The following PDXK variants were observed in gnomAD, a reference collection of about 807,000 sequenced individuals.
The protein encoded by PDXK is epididymis secretory sperm binding protein Li 1a.
Under a neutral mutation model 43.2 loss-of-function variants are expected in PDXK, and 15 were observed. The observed-to-expected ratio is 0.35, with a 90% CI of 0.23 to 0.53. The LOEUF (loss-of-function observed/expected upper bound fraction) is 0.53, where lower values mean the gene tolerates loss of function less well. Ranked by LOEUF, PDXK falls within the 20% of genes least tolerant of loss-of-function variation. PDXK has a pLI of 0.92. For missense variants in PDXK, 343 were observed against 417.0 expected, an observed-to-expected ratio of 0.82 and a Z score of 1.54; for synonymous variants, 172 against 165.4, an observed-to-expected ratio of 1.04 and a Z score of -0.31.
chr21:43,740,936 G>A (rs2147259797), intron 2 of PDXK: 1 of 146,784 alleles, frequency 6.8e-6, no homozygotes, highest in East Asian at 2.0e-4. Context: ...AATAGCTGGG[G>A]ACTAATGCAG....
At chr21:43,750,807 T>G (rs2147303348) in intron 7 of PDXK, among the ~76,000 whole-genome samples, 1 of 150,810 alleles carries the variant, frequency 6.6e-6, no homozygotes, top group Non-Finnish European at 1.5e-5. Context: ...TGTGTGCGTG[T>G]GTGCGCGCAC....
intron 1 of PDXK, among the ~76,000 whole-genome samples, chr21:43,730,027 G>A (rs912130106): frequency 1.3e-5 from 2 of 152,150 alleles, no homozygotes; most frequent in Non-Finnish European, 2.9e-5. Flanking sequence ...TCCCGAGAAG[G>A]GGGATGAGGT....
chr21:43,732,079 T>A lies in PDXK; in HGVS notation c.88-1990T>A. The A allele has an allele frequency of 9.3e-7, 1 of 1,070,786 alleles. No homozygotes were observed. The highest frequency in any genetic ancestry group is 1.2e-6 in the Non-Finnish European group (1 of 846,946). 66.3% of individuals were successfully genotyped at this position (1,070,786 alleles called of 1,614,324 possible). A position where few individuals can be genotyped will look rare whatever the true frequency, so the allele number is the denominator to read the frequency against. ...GGGACGGTCACTACCGCTGCCCCTGTGGGGAGAAGAGCCCCGGGGGAAGAA... is the reference window on the plus strand; with the variant it reads ...GGGACGGTCACTACCGCTGCCCCTGAGGGGAGAAGAGCCCCGGGGGAAGAA... On this transcript the variant is annotated intron_variant, in intron 1 of 10. Transcript: ENST00000291565. The surrounding 1 kb of genome is among the most constrained non-coding windows in gnomAD (Gnocchi z 4.1).
intron 1 of PDXK, among the ~76,000 whole-genome samples, 174 bp from the exon 2 acceptor site, chr21:43,733,895 G>T (rs183137366): frequency 6.6e-6 from 1 of 152,240 alleles, no homozygotes; most frequent in East Asian, 1.9e-4. Context: ...CACATGTCAT[G>T]TGTGACTCGG....
chr21:43,753,596 C>T lies in PDXK; in HGVS notation c.636C>T (p.Gly212=), dbSNP rs145100052. 7.1e-5 allele frequency: 114 copies of T among 1,612,576 alleles called. No individual in the cohort carries two copies. The African/African-American group carries it at 1.4e-3, about 20-fold the overall frequency. The change falls in exon 9 of 11, where the codon GGC becomes GGT. Residue 212 remains glycine, a synonymous_variant. Coordinates refer to ENST00000291565, the MANE Select transcript of PDXK (RefSeq NM_003681.5). The stretch of plus-strand genomic sequence containing the variant: ...TTCTCCCCCTAGGGAATCCCGCTGG[C>T]TCCGTGGTGATGGAACGCATCCGGA... ...LGSQRRRNPA[G]SVVMERIRMD...
chr21:43,736,274 G>A (rs2083400030), intron 2 of PDXK, among the ~76,000 whole-genome samples: 1 of 152,178 alleles, frequency 6.6e-6, no homozygotes, highest in Admixed American at 6.5e-5. Flanking sequence ...CATTGTAGGG[G>A]CTGTTCTGCT....
At chr21:43,720,203 G>A (rs1301015809) in intron 1 of PDXK, among the ~76,000 whole-genome samples, 1 of 152,200 alleles carries the variant, frequency 6.6e-6, no homozygotes, top group Non-Finnish European at 1.5e-5. Context: ...AGGACGACGG[G>A]CACTTCCTGG....
chr21:43,733,253 ACCCCCCCCC>A (rs1226314950), intron 1 of PDXK, among the ~76,000 whole-genome samples: 1 of 56,166 alleles, frequency 1.8e-5, no homozygotes, highest in Non-Finnish European at 3.4e-5. Context: ...CCCCATCCCC[ACCCCCCCCC>A]CCGCCCCCCC....
In PDXK at chr21:43,740,357, G is replaced by A. The variant is rs547677157; in HGVS notation, c.143-1310G>A. 3.3e-5 allele frequency among the ~76,000 whole-genome samples: 5 copies of A among 152,256 alleles called. 1 individual carries two copies. Among genetic ancestry groups the A allele is most frequent in the Admixed American group, 6.5e-5 (1 of 15,296 alleles). ...TAGCCACAGGGCATGGCGCGTGGGC[G>A]CAGAGCCGGCCGTGACCCACAAGTG... On this transcript the variant is annotated intron_variant, in intron 2 of 10. Coordinates refer to ENST00000291565, the MANE Select transcript of PDXK (RefSeq NM_003681.5).
At chr21:43,739,909 G>A (rs1053993888) in intron 2 of PDXK, among the ~76,000 whole-genome samples, 11 of 144,608 alleles carry the variant, frequency 7.6e-5, no homozygotes, top group Non-Finnish European at 1.2e-4. Flanking sequence ...CCCAAACCCC[G>A]CCCCAGCCTG....
At chr21:43,739,684 C>T (rs2083460781) in intron 2 of PDXK, among the ~76,000 whole-genome samples, 1 of 151,742 alleles carries the variant, frequency 6.6e-6, no homozygotes, top group Non-Finnish European at 1.5e-5. Flanking sequence ...ATTGAATGAC[C>T]TCCTGCCAGG....
At chr21:43,746,634 G>A (rs1020404727) in intron 5 of PDXK, among the ~76,000 whole-genome samples, 3 of 151,972 alleles carry the variant, frequency 2.0e-5, no homozygotes, top group African/African-American at 7.3e-5. Context: ...GTCCAGGCTG[G>A]TCTCGAACTC....
intron 1 of PDXK, among the ~76,000 whole-genome samples, chr21:43,724,445 C>A (rs1356660192): frequency 6.6e-6 from 1 of 152,110 alleles, no homozygotes; most frequent in Admixed American, 6.5e-5. Context: ...CATGTGGACG[C>A]GAGCAGCGAG....
In PDXK at chr21:43,732,863, C is replaced by A. The variant is rs1231374689; in HGVS notation, c.88-1206C>A. On this transcript the variant is annotated intron_variant, in intron 1 of 10. Coordinates refer to ENST00000291565, the MANE Select transcript of PDXK (RefSeq NM_003681.5). The surrounding 1 kb of genome is among the most constrained non-coding windows in gnomAD (Gnocchi z 4.1). ...CCTGGGCTCAGTGATCCTCCCACCT[C>A]AGCCTCCCGAGTAGCTGGGACTACA... Among the ~76,000 whole-genome samples, 3 of 152,198 alleles carry A rather than the reference C, an allele frequency of 2.0e-5. No individual in the cohort carries two copies. The highest frequency in any genetic ancestry group is 2.9e-5 in the Non-Finnish European group (2 of 68,028).
chr21:43,750,961 CATGT>C (rs1328315148), intron 7 of PDXK, among the ~76,000 whole-genome samples: 1,660 of 35,358 alleles, frequency 0.047, 23 homozygotes, highest in African/African-American at 0.16. Context: ...CATGTGTGTG[CATGT>C]GTGTGTGTGT....
chr21:43,755,093 G>A (rs576647042), intron 9 of PDXK, among the ~76,000 whole-genome samples: 3 of 152,314 alleles, frequency 2.0e-5, no homozygotes, highest in Non-Finnish European at 1.5e-5. Flanking sequence ...CTGCCAGGCC[G>A]CCCAAGGTCA....
At chr21:43,751,503 T>C (rs1002881935) in intron 7 of PDXK, among the ~76,000 whole-genome samples, 1 of 152,150 alleles carries the variant, frequency 6.6e-6, no homozygotes, top group Non-Finnish European at 1.5e-5. Context: ...GAGCTGAGAT[T>C]GCACCACTGC....
Position 43,756,026 on chromosome 21 carries a change from A to C in PDXK, c.902A>C (p.Glu301Ala). 1 of 1,612,952 alleles carries C rather than the reference A, an allele frequency of 6.2e-7. No individual in the cohort carries two copies. The highest frequency in any genetic ancestry group is 8.5e-7 in the Non-Finnish European group (1 of 1,179,542). Residue 301 changes from glutamate (E) to alanine (A), a missense_variant, in exon 11 of 11, where the codon GAG (glutamate) becomes GCG (alanine). Coordinates refer to ENST00000291565, the MANE Select transcript of PDXK (RefSeq NM_003681.5). ...ATGGTGCAGAGCAAAAGGGACATCG[A>C]GGACCCAGAGATCGTCGTCCAGGCC... ...LRMVQSKRDI[E>A]DPEIVVQATV...
intron 2 of PDXK, among the ~76,000 whole-genome samples, chr21:43,740,671 C>G (rs2083483079): frequency 6.6e-6 from 1 of 151,910 alleles, no homozygotes; most frequent in South Asian, 2.1e-4. Context: ...CGTCTGTCCT[C>G]ACACATTGAT....
Sources: gnomAD v4.1 joint callset for allele counts (sites outside exome capture counted in the v4.1 genomes callset) on GRCh38, gnomAD v4.1.1 for gene constraint, Gnocchi (gnomAD v3.1) non-coding constraint, MANE v1.5 for transcripts, NCBI Gene and HGNC (gene_info 2026-07-23, HGNC 2026-07-21) for gene names.